EDA: variants seen among roughly 807,000 people sequenced by gnomAD.
EDA encodes ectodysplasin A.
In EDA, 2 loss-of-function variants were observed where a neutral mutation model predicts 23.6. The observed-to-expected ratio is 0.08, with a 90% CI of 0.03 to 0.27. The LOEUF (loss-of-function observed/expected upper bound fraction) is 0.27. Ranked by LOEUF, EDA falls within the 10% of genes least tolerant of loss-of-function variation. EDA has a pLI of 1.00. For synonymous variants in EDA, 131 were observed against 132.0 expected (o/e 0.99, Z 0.05); for missense variants, 229 against 324.2 (o/e 0.71, Z 2.26).
At chrX:69,716,259 G>A (rs1432511699) in intron 1 of EDA, among the ~76,000 whole-genome samples, 1 of 111,782 alleles carries the variant, frequency 8.9e-6, no homozygotes, top group African/African-American at 3.3e-5. Context: ...TTGTAAGGAA[G>A]GGATCCAGTT....
intron 1 of EDA, among the ~76,000 whole-genome samples, chrX:69,933,341 A>AT (rs1184214504): frequency 9.0e-6 from 1 of 110,835 alleles, no homozygotes; most frequent in Non-Finnish European, 1.9e-5. Flanking sequence ...AATTACCTTT[A>AT]TTTTTTCTTG....
At chrX:69,670,064 C>G in intron 1 of EDA, 1 of 301,329 alleles carries the variant, frequency 3.3e-6, no homozygotes, top group Non-Finnish European at 5.8e-6. Flanking sequence ...CTTCCTTAAG[C>G]ATTTCTTGTA....
At chrX:69,950,896 A>T (rs376855954) in intron 1 of EDA, among the ~76,000 whole-genome samples, 2 of 86,918 alleles carry the variant, frequency 2.3e-5, no homozygotes, top group Non-Finnish European at 4.4e-5. Flanking sequence ...AACAATGAGA[A>T]CACATGGACA....
At position 69,719,348 on chromosome X, in the gene EDA, T is replaced by TA. The variant is rs372028133; in HGVS notation, c.396+102653dup. On this transcript the variant is annotated intron_variant, in intron 1 of 7. Coordinates refer to ENST00000374552, the MANE Select transcript of EDA (RefSeq NM_001399.5). ...ATGCATGTAACTGTTTAACACATTT[T>TA]AAAAAAAAATTTCAATAGCTTTAAG... Among the ~76,000 whole-genome samples the TA allele has an allele frequency of 8.1e-5, 9 of 111,104 alleles. No homozygotes were observed. In the South Asian group the frequency reaches 2.3e-3, roughly 28 times the overall value.
At chrX:69,681,252 A>T (rs753023220) in intron 1 of EDA, among the ~76,000 whole-genome samples, 114 of 110,045 alleles carry the variant, frequency 1.0e-3, no homozygotes, top group African/African-American at 3.4e-3. Flanking sequence ...GTTGCCCTTA[A>T]CATTTTTTCC....
intron 1 of EDA, among the ~76,000 whole-genome samples, chrX:69,691,579 AG>A (rs1186111809): frequency 8.9e-6 from 1 of 112,015 alleles, no homozygotes; most frequent in African/African-American, 3.2e-5. Flanking sequence ...TGAAAGTAAA[AG>A]CACAGCTGGG....
intron 1 of EDA, among the ~76,000 whole-genome samples, chrX:69,764,175 T>C (rs2014395156): frequency 9.3e-6 from 1 of 107,706 alleles, no homozygotes; most frequent in Non-Finnish European, 1.9e-5. Context: ...TGATCTCTTA[T>C]CCTTCCTGTC....
At chrX:69,703,534 T>TG (rs1181363293) in intron 1 of EDA, among the ~76,000 whole-genome samples, 1 of 112,422 alleles carries the variant, frequency 8.9e-6, no homozygotes, top group African/African-American at 3.2e-5. Flanking sequence ...AATGAGCGCC[T>TG]GGGTGCAGAC....
intron 1 of EDA, among the ~76,000 whole-genome samples, chrX:69,689,335 G>A (rs1327826748): frequency 7.0e-5 from 7 of 99,446 alleles, no homozygotes; most frequent in Admixed American, 2.3e-4. Context: ...TTGCTCTGTC[G>A]CCCAGGCTAG....
At chrX:69,687,188 G>A (rs1934573012) in intron 1 of EDA, among the ~76,000 whole-genome samples, 1 of 110,359 alleles carries the variant, frequency 9.1e-6, no homozygotes, top group African/African-American at 3.3e-5. Flanking sequence ...ATTTTTTCAT[G>A]TGCTCATTGG....
intron 1 of EDA, chrX:69,693,150 G>C (rs1934760908): frequency 9.0e-6 from 1 of 111,215 alleles, no homozygotes; most frequent in Non-Finnish European, 1.9e-5. Flanking sequence ...ACACAGTCTG[G>C]GTGGGGAAAA....
chrX:69,716,657 TG>T (rs1417464749), intron 1 of EDA, among the ~76,000 whole-genome samples: 1 of 111,729 alleles, frequency 9.0e-6, no homozygotes, highest in Non-Finnish European at 1.9e-5. Context: ...TAAATTGCTT[TG>T]GGCAGTATGG....
intron 1 of EDA, among the ~76,000 whole-genome samples, chrX:69,619,504 G>C (rs1932098955): frequency 8.9e-6 from 1 of 112,255 alleles, no homozygotes; most frequent in Non-Finnish European, 1.9e-5. Flanking sequence ...GGGCAGGTAG[G>C]ATACAGAGCA....
chrX:70,027,281 CACAG>C (rs1427708821), intron 3 of EDA, among the ~76,000 whole-genome samples: 1 of 111,497 alleles, frequency 9.0e-6, no homozygotes, highest in African/African-American at 3.3e-5. Context: ...TCTGTTTCCC[CACAG>C]ACACAGACTG....
intron 1 of EDA, among the ~76,000 whole-genome samples, chrX:69,789,686 T>A (rs1159034611): frequency 8.9e-6 from 1 of 111,817 alleles, no homozygotes; most frequent in African/African-American, 3.3e-5. Flanking sequence ...CTTCTGCTTC[T>A]AAAAATTGTA....
intron 2 of EDA, among the ~76,000 whole-genome samples, chrX:69,961,401 A>G (rs1235639671): frequency 1.8e-5 from 2 of 112,368 alleles, no homozygotes; most frequent in East Asian, 5.5e-4. Context: ...GATCCTTAGG[A>G]GCTGCATAGG....
intron 1 of EDA, chrX:69,617,440 T>G (rs1602223429): frequency 6.6e-6 from 1 of 152,592 alleles, no homozygotes; most frequent in Non-Finnish European, 1.3e-5. Context: ...GGGAAGCGCT[T>G]TTACTACTGT....
rs749909813 is a variant in EDA at position 69,978,265 on chromosome X, C to T, written c.502+21133C>T. The stretch of plus-strand genomic sequence containing the variant: ...TTGGGAGACCAAGGTGGAAGGATTG[C>T]CTGAGTTCAGGAGTTCGAGACCAGC... On this transcript the variant is annotated intron_variant, in intron 2 of 7. Coordinates refer to ENST00000374552, the MANE Select transcript of EDA (RefSeq NM_001399.5). Among the ~76,000 whole-genome samples, 13 of 95,262 alleles carry T rather than the reference C, an allele frequency of 1.4e-4. No individual in the cohort carries two copies. In the East Asian group the frequency reaches 4.0e-3, roughly 29 times the overall value. 82.7% of individuals were successfully genotyped at this position (95,262 alleles called of 115,157 possible).
At chrX:69,996,134 T>G (rs892840502) in intron 2 of EDA, among the ~76,000 whole-genome samples, 8 of 112,340 alleles carry the variant, frequency 7.1e-5, no homozygotes, top group African/African-American at 2.6e-4. Context: ...AGGATGCAGT[T>G]TGAAGTCAAT....
Sources: gnomAD v4.1 joint callset for allele counts (sites outside exome capture counted in the v4.1 genomes callset) on GRCh38, gnomAD v4.1.1 for gene constraint, MANE v1.5 for transcripts, NCBI Gene and HGNC (gene_info 2026-07-23, HGNC 2026-07-21) for gene names.